Variants in CNBD1 observed in about 807,000 individuals in gnomAD.
The protein encoded by CNBD1 is cyclic nucleotide binding domain containing 1.
Under a neutral mutation model 54.4 loss-of-function variants are expected in CNBD1, and 71 were observed. The ratio of observed to expected loss-of-function variants is 1.30; its 90% CI spans 1.08 to 1.59. The LOEUF (loss-of-function observed/expected upper bound fraction) is 1.59, where lower values mean the gene tolerates loss of function less well. Ranked by LOEUF, CNBD1 falls within the 40% of genes most tolerant of loss-of-function variation. CNBD1 has a pLI of 0.00. For missense variants in CNBD1, 659 were observed against 518.0 expected (o/e 1.27, Z -2.64); for synonymous variants, 182 against 170.7 (o/e 1.07, Z -0.51).
chr8:87,423,471 A>G (rs1403819218), intron 2 of CNBD1, among the ~76,000 whole-genome samples: 1 of 151,748 alleles, frequency 6.6e-6, no homozygotes, highest in Non-Finnish European at 1.5e-5. Flanking sequence ...CTTTATTGAG[A>G]GTTTTTAGCA....
At chr8:87,396,538 G>T (rs146849102) in intron 2 of CNBD1, among the ~76,000 whole-genome samples, 1 of 151,692 alleles carries the variant, frequency 6.6e-6, no homozygotes, top group Non-Finnish European at 1.5e-5. Context: ...GAGAAGAATT[G>T]ACTTTTATAT....
At chr8:87,376,223 G>T (rs1425745238) in intron 10 of CNBD1, among the ~76,000 whole-genome samples, 3 of 151,802 alleles carry the variant, frequency 2.0e-5, no homozygotes, top group Non-Finnish European at 4.4e-5. Context: ...CATAGTTTTG[G>T]AGGGCAAGAA....
chr8:86,956,920 C>G (rs147293593), intron 4 of CNBD1, among the ~76,000 whole-genome samples: 5,949 of 152,194 alleles, frequency 0.039, 133 homozygotes, highest in African/African-American at 0.045. Context: ...TTTTCAAAGG[C>G]AATGCTTCCA....
chr8:86,983,198 C>T (rs1178949467), intron 4 of CNBD1, among the ~76,000 whole-genome samples: 2 of 152,126 alleles, frequency 1.3e-5, no homozygotes, highest in Admixed American at 1.3e-4. Context: ...GAATAAGTCT[C>T]ACAAGATCTG....
intron 6 of CNBD1, among the ~76,000 whole-genome samples, chr8:87,238,251 G>A (rs979763678): frequency 6.6e-6 from 1 of 151,998 alleles, no homozygotes; most frequent in East Asian, 1.9e-4. Context: ...AGTTTCAGAG[G>A]CTTCCACTTA....
In CNBD1 at chr8:87,091,725, T is replaced by C. The variant is rs569543947; in HGVS notation, c.432-114268T>C. Among the ~76,000 whole-genome samples the C allele has an allele frequency of 3.3e-5, 5 of 152,286 alleles. No individual in the cohort carries two copies. The East Asian group carries it at 9.7e-4, about 29-fold the overall frequency. On this transcript the variant is annotated intron_variant, in intron 4 of 10. Coordinates refer to ENST00000518476, the MANE Select transcript of CNBD1 (RefSeq NM_173538.3). ...CAGTCTTGAGAGTTGTTTTACTGTT[T>C]ACTAGCAGAATAGTTATGACTCCAG...
At chr8:87,033,375 A>C (rs1809836468) in intron 4 of CNBD1, among the ~76,000 whole-genome samples, 1 of 152,192 alleles carries the variant, frequency 6.6e-6, no homozygotes, top group Admixed American at 6.5e-5. Context: ...CAATAACAAT[A>C]GAGCTTTAAA....
chr8:87,190,887 G>GATATAGGTAAATGTACC (rs1563501596), intron 4 of CNBD1, among the ~76,000 whole-genome samples: 2 of 124,904 alleles, frequency 1.6e-5, no homozygotes, highest in Admixed American at 8.2e-5. Flanking sequence ...ATACATGTAC[G>GATATAGGTAAATGTACC]TATATCTATT....
At chr8:87,380,698 GT>G (rs1322609522) in intron 10 of CNBD1, among the ~76,000 whole-genome samples, 1 of 151,920 alleles carries the variant, frequency 6.6e-6, no homozygotes, top group Admixed American at 6.6e-5. Flanking sequence ...TTTAATTGGT[GT>G]TTTGTAGTTT....
intron 6 of CNBD1, among the ~76,000 whole-genome samples, chr8:87,260,318 C>T (rs1419574341): frequency 6.6e-6 from 1 of 152,154 alleles, no homozygotes; most frequent in Non-Finnish European, 1.5e-5. Flanking sequence ...ATGGAGACCT[C>T]ATCAGTTTTT....
chr8:87,424,625 C>G (rs145804213), intron 2 of CNBD1, among the ~76,000 whole-genome samples: 1 of 152,304 alleles, frequency 6.6e-6, no homozygotes, highest in African/African-American at 2.4e-5. Flanking sequence ...TTTGATTGCA[C>G]TGTGGTCTGA....
intron 3 of CNBD1, among the ~76,000 whole-genome samples, chr8:86,907,123 C>T (rs1342586023): frequency 6.6e-6 from 1 of 152,152 alleles, no homozygotes; most frequent in Non-Finnish European, 1.5e-5. Context: ...TTGGTTTCAT[C>T]GTCACACATC....
chr8:87,116,942 C>G (rs1322815075), intron 4 of CNBD1, among the ~76,000 whole-genome samples: 1 of 152,148 alleles, frequency 6.6e-6, no homozygotes, highest in Non-Finnish European at 1.5e-5. Flanking sequence ...TTCTTATTTA[C>G]TTACTCTTTC....
intron 2 of CNBD1, among the ~76,000 whole-genome samples, chr8:87,406,239 A>T (rs1807649644): frequency 6.6e-6 from 1 of 152,056 alleles, no homozygotes; most frequent in African/African-American, 2.4e-5. Context: ...TTAAAGTGAA[A>T]ATTGTTCATA....
intron 7 of CNBD1, among the ~76,000 whole-genome samples, chr8:87,285,216 A>G (rs1256802094): frequency 2.6e-5 from 4 of 152,202 alleles, no homozygotes; most frequent in African/African-American, 9.6e-5. Context: ...CTACTTTAAA[A>G]GGAAAAATAC....
intron 10 of CNBD1, among the ~76,000 whole-genome samples, chr8:87,372,655 T>C (rs564184341): frequency 6.6e-6 from 1 of 151,804 alleles, no homozygotes; most frequent in Non-Finnish European, 1.5e-5. Context: ...TAATACTTTA[T>C]TTGTCCACAA....
chr8:87,285,092 C>T (rs1335697879), intron 7 of CNBD1, among the ~76,000 whole-genome samples: 1 of 141,458 alleles, frequency 7.1e-6, no homozygotes, highest in Non-Finnish European at 1.7e-5. Context: ...CATTCATTCA[C>T]TCACTCATTC....
chr8:87,073,675 C>G lies in CNBD1; in HGVS notation c.432-132318C>G, dbSNP rs537158646. ...AAAGTGGCAAAGATGGCAGCCTGCT[C>G]CTTCCTCTGGAAGCTCTGTCCCAGT... On this transcript the variant is annotated intron_variant, in intron 4 of 10. Coordinates refer to ENST00000518476, the MANE Select transcript of CNBD1 (RefSeq NM_173538.3). 1.2e-3 allele frequency among the ~76,000 whole-genome samples: 189 copies of G among 152,246 alleles called. 10 individuals carry two copies. The South Asian group carries it at 0.038, about 31-fold the overall frequency.
intron 4 of CNBD1, among the ~76,000 whole-genome samples, chr8:86,967,193 T>G (rs1808100874): frequency 6.6e-6 from 1 of 152,188 alleles, no homozygotes; most frequent in African/African-American, 2.4e-5. Context: ...GGGTCCTTCC[T>G]GGGGCTTCCA....
Sources: allele counts gnomAD v4.1 joint callset (sites outside exome capture counted in the v4.1 genomes callset), GRCh38; gene constraint gnomAD v4.1.1; transcripts MANE v1.5; gene names NCBI Gene and HGNC (gene_info 2026-07-23, HGNC 2026-07-21).